Variants in MAST2 observed in about 807,000 individuals in gnomAD.
MAST2 encodes microtubule-associated serine/threonine-protein kinase 2.
MAST2 carries 70 observed loss-of-function variants against 147.4 expected under a neutral mutation model. The observed-to-expected ratio is 0.47, with a 90% CI of 0.39 to 0.58. The LOEUF (loss-of-function observed/expected upper bound fraction) is 0.58, where lower values mean the gene tolerates loss of function less well. Ranked by LOEUF, MAST2 falls within the 20% of genes least tolerant of loss-of-function variation. The probability of loss-of-function intolerance (pLI) is 0.00; values close to 1 mark genes in which losing one functional copy is unlikely to be tolerated. For missense variants in MAST2, 2,080 were observed against 2,302.3 expected, an observed-to-expected ratio of 0.90 and a Z score of 1.98; for synonymous variants, 869 against 896.8, an observed-to-expected ratio of 0.97 and a Z score of 0.55.
At chr1:45,875,453 TAA>T (rs1281256926) in intron 3 of MAST2, among the ~76,000 whole-genome samples, 1 of 151,978 alleles carries the variant, frequency 6.6e-6, no homozygotes, top group Non-Finnish European at 1.5e-5. Context: ...CTCAAAAAAA[TAA>T]AAAGTTATTT....
chr1:45,828,254 C>T (rs1644851925), intron 2 of MAST2, among the ~76,000 whole-genome samples: 1 of 152,308 alleles, frequency 6.6e-6, no homozygotes, highest in Middle Eastern at 3.4e-3. Flanking sequence ...AAATATCCCC[C>T]AAGCCCTTTC....
chr1:45,983,456 A>G lies in MAST2; in HGVS notation c.593-14268A>G, dbSNP rs76586494. ...ACCCCCTAACTCCTTTTCCCTCTCT[A>G]TTCTGTCCATTCTAAATTTTAGAGT... On this transcript the variant is annotated intron_variant, in intron 5 of 28. Coordinates refer to ENST00000361297, the MANE Select transcript of MAST2 (RefSeq NM_015112.3). Among the ~76,000 whole-genome samples, 1,012 of 146,062 alleles carry G rather than the reference A, an allele frequency of 6.9e-3. 12 individuals carry two copies. Among genetic ancestry groups the G allele is most frequent in the African/African-American group, 0.024 (974 of 39,766 alleles).
chr1:46,032,779 TGGCAGTTAGGGGAGTGG>T, intron 26 of MAST2, 61 bp downstream of exon 26: 4 of 1,577,920 alleles, frequency 2.5e-6, no homozygotes, highest in Non-Finnish European at 3.5e-6. Flanking sequence ...GAGTCTGTGA[TGGCAGTTAGGGGAGTGG>T]GTGAGTTGGG....
intron 7 of MAST2, among the ~76,000 whole-genome samples, chr1:46,005,428 T>C (rs1382374563): frequency 6.6e-6 from 1 of 152,014 alleles, no homozygotes; most frequent in Non-Finnish European, 1.5e-5. Context: ...TGGCCCTGAC[T>C]TGCCTGTTCT....
chr1:45,984,034 A>G (rs1374027233), intron 5 of MAST2, among the ~76,000 whole-genome samples: 4 of 152,234 alleles, frequency 2.6e-5, no homozygotes, highest in African/African-American at 9.6e-5. Flanking sequence ...AAAGCTGGTA[A>G]GTCTATCATT....
At chr1:45,828,055 T>G (rs909785185) in intron 2 of MAST2, among the ~76,000 whole-genome samples, 1 of 152,092 alleles carries the variant, frequency 6.6e-6, no homozygotes, top group Non-Finnish European at 1.5e-5. Context: ...GGTCTTGAAC[T>G]CCTGGGCTCA....
intron 1 of MAST2, among the ~76,000 whole-genome samples, chr1:45,815,859 C>A (rs542879213): frequency 1.4e-4 from 22 of 152,198 alleles, no homozygotes; most frequent in Non-Finnish European, 3.1e-4. Context: ...AGGGCCATGC[C>A]TAACTACTGG....
chr1:45,810,856 TC>T (rs1644269624), intron 1 of MAST2, among the ~76,000 whole-genome samples: 1 of 146,700 alleles, frequency 6.8e-6, no homozygotes, highest in Non-Finnish European at 1.5e-5. Context: ...AGCAGTATAT[TC>T]TTTTTTTTTT....
intron 5 of MAST2, among the ~76,000 whole-genome samples, chr1:45,978,919 A>G (rs1389566913): frequency 6.6e-6 from 1 of 152,200 alleles, no homozygotes; most frequent in Non-Finnish European, 1.5e-5. Context: ...GGCGATAAAA[A>G]TGTTCTGGAA....
intron 10 of MAST2, 121 bp downstream of exon 10, chr1:46,011,060 C>G (rs1338114550): frequency 1.2e-6 from 1 of 803,694 alleles, no homozygotes; most frequent in East Asian, 2.7e-5. Flanking sequence ...GTTACCCACC[C>G]TCAAAGGTAG....
chr1:46,025,020 T>C (rs577212611), intron 15 of MAST2, among the ~76,000 whole-genome samples: 2 of 152,226 alleles, frequency 1.3e-5, no homozygotes, highest in Admixed American at 6.5e-5. Context: ...AGCTCCCCTT[T>C]ATAAAACCAT....
At chr1:45,809,301 G>T (rs771918910) in intron 1 of MAST2, among the ~76,000 whole-genome samples, 20 of 152,092 alleles carry the variant, frequency 1.3e-4, no homozygotes, top group Non-Finnish European at 1.6e-4. Context: ...CTCTGCTTCC[G>T]CATATTAAAA....
intron 10 of MAST2, among the ~76,000 whole-genome samples, chr1:46,019,206 G>A (rs566194117): frequency 1.4e-4 from 22 of 152,248 alleles, no homozygotes; most frequent in African/African-American, 5.1e-4. Context: ...TCCTTCTGAA[G>A]TACTTTCTGG....
chr1:46,002,582 A>G (rs970358617), intron 6 of MAST2, among the ~76,000 whole-genome samples: 10 of 152,252 alleles, frequency 6.6e-5, no homozygotes, highest in African/African-American at 2.4e-4. Flanking sequence ...ATACAAAGTT[A>G]TGGACTATTT....
At chr1:46,029,660 G>A (rs1646558043) in intron 19 of MAST2, 93 bp downstream of exon 19, 1 of 1,394,978 alleles carries the variant, frequency 7.2e-7, no homozygotes, top group African/African-American at 1.4e-5. Flanking sequence ...TCGGTTACGG[G>A]CAGCCCCTCT....
intron 4 of MAST2, among the ~76,000 whole-genome samples, chr1:45,949,988 TCTTA>T (rs1658693921): frequency 6.6e-6 from 1 of 152,172 alleles, no homozygotes; most frequent in African/African-American, 2.4e-5. Flanking sequence ...TACCGCATGT[TCTTA>T]CTTATAAGTG....
intron 3 of MAST2, among the ~76,000 whole-genome samples, chr1:45,862,237 A>T (rs532892397): frequency 2.0e-5 from 3 of 152,212 alleles, no homozygotes; most frequent in Non-Finnish European, 4.4e-5. Context: ...TCATTCATAC[A>T]TGTTTCATAA....
At chr1:46,016,438 T>G (rs1645943473) in intron 10 of MAST2, among the ~76,000 whole-genome samples, 1 of 151,980 alleles carries the variant, frequency 6.6e-6, no homozygotes, top group Non-Finnish European at 1.5e-5. Flanking sequence ...AACCCCATTG[T>G]CTCAGCCCAA....
intron 2 of MAST2, among the ~76,000 whole-genome samples, chr1:45,826,045 C>T (rs1019124419): frequency 6.6e-6 from 1 of 151,794 alleles, no homozygotes; most frequent in Non-Finnish European, 1.5e-5. Flanking sequence ...CCAGCTGGGG[C>T]GACAGAGCGA....
Sources: gnomAD v4.1 joint callset for allele counts (sites outside exome capture counted in the v4.1 genomes callset) on GRCh38, gnomAD v4.1.1 for gene constraint, MANE v1.5 for transcripts, NCBI Gene and HGNC (gene_info 2026-07-23, HGNC 2026-07-21) for gene names.